Variants in TWSG1 observed in about 807,000 individuals in gnomAD.
TWSG1 encodes twisted gastrulation protein homolog 1.
A neutral mutation model predicts 23.0 loss-of-function variants in TWSG1; 15 were observed. The ratio of observed to expected loss-of-function variants is 0.65; its 90% CI spans 0.44 to 1.00. The LOEUF (loss-of-function observed/expected upper bound fraction) is 1.00. Among genes scored for constraint, TWSG1 ranks in the 50% least tolerant of loss-of-function variants. The pLI, the probability that TWSG1 is intolerant of heterozygous loss-of-function variation, is 0.00. For missense variants in TWSG1, 242 were observed against 278.7 expected (o/e 0.87, Z 0.94); for synonymous variants, 86 against 92.8 (o/e 0.93, Z 0.42).
At chr18:9,384,886 T>TCC (rs1366417387) in intron 3 of TWSG1, among the ~76,000 whole-genome samples, 2 of 152,198 alleles carry the variant, frequency 1.3e-5, no homozygotes, top group African/African-American at 4.8e-5. Context: ...TCTCAGGTGA[T>TCC]CCACCTGCCT....
intron 3 of TWSG1, among the ~76,000 whole-genome samples, chr18:9,372,062 G>C (rs1478475905): frequency 1.3e-5 from 2 of 151,968 alleles, no homozygotes; most frequent in South Asian, 2.1e-4. Flanking sequence ...ATCGCGCCTG[G>C]CCAACGTTTT....
At position 9,359,996 on chromosome 18, in the gene TWSG1, G is replaced by A. The variant is rs2040545025; in HGVS notation, c.148G>A (p.Glu50Lys). 2.5e-6 allele frequency: 4 copies of A among 1,613,458 alleles called. No individual in the cohort carries two copies. In the African/African-American group the frequency reaches 4.0e-5, roughly 16 times the overall value. The part of the protein sequence containing the change: ...IQELCQCRPG[E>K]GNCSCCKECM... ...GGAGCTCTGCCAGTGCCGGCCGGGA[G>A]AAGGCAATTGCTCCTGCTGTAAGGA... The change falls in exon 3 of 5, where the codon GAA becomes AAA. Residue 50 changes from glutamate to lysine, a missense_variant. Transcript: ENST00000262120.
At chr18:9,361,358 A>G (rs566047825) in intron 3 of TWSG1, among the ~76,000 whole-genome samples, 3 of 150,702 alleles carry the variant, frequency 2.0e-5, no homozygotes, top group African/African-American at 7.3e-5. Context: ...TTTTCCTTCT[A>G]CTCCTTGCAT....
chr18:9,363,550 T>C (rs976768168), intron 3 of TWSG1, among the ~76,000 whole-genome samples: 3 of 152,200 alleles, frequency 2.0e-5, no homozygotes, highest in Non-Finnish European at 4.4e-5. Flanking sequence ...TAGTTATACA[T>C]CTCAAAAAAA....
intron 2 of TWSG1, among the ~76,000 whole-genome samples, chr18:9,352,715 G>T (rs370450515): frequency 3.3e-5 from 5 of 152,286 alleles, no homozygotes; most frequent in African/African-American, 9.6e-5. Flanking sequence ...TTTGCAACAA[G>T]AATGGAAATA....
At chr18:9,371,228 A>C (rs2040603525) in intron 3 of TWSG1, among the ~76,000 whole-genome samples, 1 of 152,046 alleles carries the variant, frequency 6.6e-6, no homozygotes, top group South Asian at 2.1e-4. Context: ...TAGTATTTAT[A>C]TATGACCTTA....
intron 3 of TWSG1, among the ~76,000 whole-genome samples, chr18:9,394,245 T>C (rs2040724860): frequency 6.6e-6 from 1 of 152,220 alleles, no homozygotes. Flanking sequence ...AATTCTGTCA[T>C]TTATGCCAAC....
rs760336140 is a variant in TWSG1, at chr18:9,401,182, A to G, written c.*1655A>G. On this transcript the variant is annotated 3_prime_UTR_variant, in exon 5 of 5. Coordinates refer to ENST00000262120, the MANE Select transcript of TWSG1 (RefSeq NM_020648.6). The stretch of plus-strand genomic sequence containing the variant: ...CATGGATATATTTTTTGGTAGGGAA[A>G]CATTAGGGTCTCCTTTTCTTCCTTT... 9 of 152,198 alleles carry G rather than the reference A, an allele frequency of 5.9e-5. No individual in the cohort carries two copies. Among genetic ancestry groups the G allele is most frequent in the South Asian group, 2.1e-4 (1 of 4,834 alleles). The allele number at this position is 152,198 out of a possible 1,614,324, so 9.4% of individuals were successfully genotyped here. A position where few individuals can be genotyped will look rare whatever the true frequency, so the allele number is the denominator to read the frequency against.
chr18:9,396,187 G>A lies in TWSG1; in HGVS notation c.224-93G>A, dbSNP rs577444793. 3.0e-5 allele frequency: 20 copies of A among 666,876 alleles called. No homozygotes were observed. In the East Asian group the frequency reaches 6.2e-4, roughly 21 times the overall value. The allele number at this position is 666,876 out of a possible 1,614,324, so 41.3% of individuals were successfully genotyped here. A position where few individuals can be genotyped will look rare whatever the true frequency, so the allele number is the denominator to read the frequency against. On this transcript the variant is annotated intron_variant, in intron 3 of 4. Transcript: ENST00000262120. ...AAAAAAAAGGTAGGAAAATATCCAT[G>A]TGTAATCCTAGAAGTTACATAATTT...
chr18:9,373,364 A>G (rs2040614963), intron 3 of TWSG1, among the ~76,000 whole-genome samples: 3 of 150,184 alleles, frequency 2.0e-5, no homozygotes, highest in Non-Finnish European at 3.0e-5. Context: ...CCCTGTCTCT[A>G]CCAAAAAAAA....
chr18:9,375,039 C>T (rs889466632), intron 3 of TWSG1, among the ~76,000 whole-genome samples: 11 of 151,912 alleles, frequency 7.2e-5, no homozygotes, highest in African/African-American at 1.9e-4. Context: ...TGGTGGCGGA[C>T]GCCTGTAGTC....
Position 9,400,262 on chromosome 18 carries a change from A to G in TWSG1, c.*735A>G, listed in dbSNP as rs2040756711. The G allele has an allele frequency of 1.3e-5, 2 of 149,730 alleles. No homozygotes were observed. The highest frequency in any genetic ancestry group is 4.9e-5 in the African/African-American group (2 of 40,514). 9.3% of individuals were successfully genotyped at this position (149,730 alleles called of 1,614,324 possible). On this transcript the variant is annotated 3_prime_UTR_variant, in exon 5 of 5. Transcript: ENST00000262120. ...CCAAGATTTTCAGGGTGTACCTATGAAATTGCTTTAAATGCACTGCTGGTG... is the reference window on the plus strand; with the variant it reads ...CCAAGATTTTCAGGGTGTACCTATGGAATTGCTTTAAATGCACTGCTGGTG...
In TWSG1 at chr18:9,400,678, C is replaced by T. The variant is rs1212812602; in HGVS notation, c.*1151C>T. The T allele has an allele frequency of 5.3e-5, 8 of 152,168 alleles. No individual in the cohort carries two copies. The highest frequency in any genetic ancestry group is 1.9e-4 in the African/African-American group (8 of 41,524). The allele number at this position is 152,168 out of a possible 1,614,324, so 9.4% of individuals were successfully genotyped here. On this transcript the variant is annotated 3_prime_UTR_variant, in exon 5 of 5. Transcript: ENST00000262120. ...TTTTAAACAAGTATAATCATATCGTCGGAGGTTAAGATTATGAAATTTTAG... is the reference window on the plus strand; with the variant it reads ...TTTTAAACAAGTATAATCATATCGTTGGAGGTTAAGATTATGAAATTTTAG...
intron 3 of TWSG1, among the ~76,000 whole-genome samples, chr18:9,374,650 G>C (rs1156669303): frequency 6.6e-6 from 1 of 152,162 alleles, no homozygotes; most frequent in Non-Finnish European, 1.5e-5. Flanking sequence ...GACAGAAGCA[G>C]AGAGAATTCT....
intron 2 of TWSG1, among the ~76,000 whole-genome samples, chr18:9,347,733 T>C (rs1022578433): frequency 6.6e-6 from 1 of 152,172 alleles, no homozygotes; most frequent in African/African-American, 2.4e-5. Context: ...TTGGACTCTT[T>C]CTATTGAATT....
At chr18:9,365,503 C>T (rs569115167) in intron 3 of TWSG1, among the ~76,000 whole-genome samples, 1 of 151,880 alleles carries the variant, frequency 6.6e-6, no homozygotes, top group South Asian at 2.1e-4. Flanking sequence ...CCCGTCTCTA[C>T]AAAAAATAAA....
chr18:9,352,809 C>A (rs918284387), intron 2 of TWSG1, among the ~76,000 whole-genome samples: 1 of 152,100 alleles, frequency 6.6e-6, no homozygotes, highest in African/African-American at 2.4e-5. Context: ...TTTGGGAGTT[C>A]ATACAATAAA....
At chr18:9,369,575 A>G (rs2040595295) in intron 3 of TWSG1, among the ~76,000 whole-genome samples, 1 of 151,870 alleles carries the variant, frequency 6.6e-6, no homozygotes, top group Non-Finnish European at 1.5e-5. Flanking sequence ...CCCTTTGCCC[A>G]TTTTTTAATA....
intron 3 of TWSG1, among the ~76,000 whole-genome samples, chr18:9,363,089 C>A (rs1438962294): frequency 6.6e-6 from 1 of 152,170 alleles, no homozygotes; most frequent in African/African-American, 2.4e-5. Flanking sequence ...GGGCACAGAC[C>A]TCTGAGAGAA....
Sources: gnomAD v4.1 joint callset for allele counts (sites outside exome capture counted in the v4.1 genomes callset) on GRCh38, gnomAD v4.1.1 for gene constraint, MANE v1.5 for transcripts, NCBI Gene and HGNC (gene_info 2026-07-23, HGNC 2026-07-21) for gene names.